CRYBG1: variants seen among roughly 807,000 people sequenced by gnomAD.
CRYBG1 encodes the protein crystallin beta-gamma domain containing 1.
In CRYBG1, 139 loss-of-function variants were observed where a neutral mutation model predicts 189.2. The ratio of observed to expected loss-of-function variants is 0.73; its 90% CI spans 0.64 to 0.85. The LOEUF (loss-of-function observed/expected upper bound fraction) is 0.85, where lower values mean the gene tolerates loss of function less well. Among genes scored for constraint, CRYBG1 ranks in the 40% least tolerant of loss-of-function variants. CRYBG1 has a pLI of 0.00. For synonymous variants in CRYBG1, 1,023 were observed against 1,017.1 expected (o/e 1.01, Z -0.11); for missense variants, 2,611 against 2,675.8 (o/e 0.98, Z 0.53).
intron 1 of CRYBG1, among the ~76,000 whole-genome samples, chr6:106,394,820 A>G (rs189814934): frequency 8.0e-4 from 121 of 151,846 alleles, no homozygotes; most frequent in Middle Eastern, 3.4e-3. Context: ...AGTGCCTTAG[A>G]GAGGTTTTAA....
intron 17 of CRYBG1, 89 bp downstream of exon 17, chr6:106,555,986 T>C: frequency 2.1e-6 from 3 of 1,453,512 alleles, no homozygotes; most frequent in Non-Finnish European, 2.9e-6. Context: ...TAGAACCTGC[T>C]CTTAAAGTTA....
At position 106,568,707 on chromosome 6, in the gene CRYBG1, C is replaced by T. The variant is rs539701193; in HGVS notation, c.*141C>T. ...TAAATTCAACCTTAAATCATGCTGC[C>T]ATGACTCAGAGAACTTACTCATCGT... On this transcript the variant is annotated 3_prime_UTR_variant, in exon 22 of 22. Transcript: ENST00000633556. The T allele has an allele frequency of 1.7e-6, 1 of 593,650 alleles. No individual in the cohort carries two copies. The highest frequency in any genetic ancestry group is 3.0e-5 in the Admixed American group (1 of 33,824). The allele number at this position is 593,650 out of a possible 1,614,324, so 36.8% of individuals were successfully genotyped here.
At chr6:106,376,757 A>G (rs548119738) in intron 1 of CRYBG1, among the ~76,000 whole-genome samples, 1 of 152,178 alleles carries the variant, frequency 6.6e-6, no homozygotes, top group Admixed American at 6.5e-5. Context: ...CTTCTCAATT[A>G]TCTCTTTGTG....
rs11295015 is a variant in CRYBG1, at chr6:106,498,100, TAA to T, written c.313-13313_313-13312del. ...TGGGCTACAGAGCGAGACTCCGTCT[TAA>T]AAAAAAAAAAAAAAAAGTCAGCTGA... On this transcript the variant is annotated intron_variant, in intron 2 of 21. Transcript: ENST00000633556. Among the ~76,000 whole-genome samples the T allele has an allele frequency of 8.4e-3, 1,040 of 123,298 alleles. 17 individuals carry two copies. The highest frequency in any genetic ancestry group is 0.026 in the African/African-American group (843 of 32,856). The allele number at this position is 123,298 out of a possible 152,430, so 80.9% of individuals were successfully genotyped here. A position where few individuals can be genotyped will look rare whatever the true frequency, so the allele number is the denominator to read the frequency against.
At chr6:106,445,635 G>C (rs906297919) in intron 1 of CRYBG1, among the ~76,000 whole-genome samples, 2 of 152,168 alleles carry the variant, frequency 1.3e-5, no homozygotes, top group Non-Finnish European at 2.9e-5. Context: ...CATTTTACAA[G>C]TTTTACCTAA....
At chr6:106,454,157 C>G (rs907754070) in intron 2 of CRYBG1, among the ~76,000 whole-genome samples, 1 of 152,288 alleles carries the variant, frequency 6.6e-6, no homozygotes, top group African/African-American at 2.4e-5. Context: ...CCCTTCTCCC[C>G]TCTCTCTTTT....
intron 17 of CRYBG1, among the ~76,000 whole-genome samples, chr6:106,556,609 C>A (rs1418908296): frequency 6.6e-6 from 1 of 152,120 alleles, no homozygotes; most frequent in Non-Finnish European, 1.5e-5. Flanking sequence ...AAGTAATATT[C>A]AATAGAACAA....
Position 106,544,703 on chromosome 6 carries a change from T to C in CRYBG1, c.5166+6T>C. The C allele has an allele frequency of 6.2e-7, 1 of 1,612,864 alleles. No individual in the cohort carries two copies. Among genetic ancestry groups the C allele is most frequent in the East Asian group, 2.2e-5 (1 of 44,858 alleles). On this transcript the variant is annotated splice_donor_region_variant and intron_variant, in intron 12 of 21. Transcript: ENST00000633556. Reference sequence around the variant, plus strand: ...CTTTACGACCTATATTAGGTGTAAGTAAAGGACAAGCTAATGGCTAATACT... The same window carrying C: ...CTTTACGACCTATATTAGGTGTAAGCAAAGGACAAGCTAATGGCTAATACT...
At chr6:106,541,537 G>A (rs765663496) in intron 9 of CRYBG1, 49 bp from the exon 10 acceptor site, 1 of 1,561,194 alleles carries the variant, frequency 6.4e-7, no homozygotes, top group South Asian at 1.1e-5. Context: ...ATATAAAATG[G>A]TAATGTATCA....
At chr6:106,383,552 A>G (rs1233109623) in intron 1 of CRYBG1, among the ~76,000 whole-genome samples, 2 of 152,244 alleles carry the variant, frequency 1.3e-5, no homozygotes, top group Admixed American at 6.5e-5. Flanking sequence ...TGTAAATGAA[A>G]TTTACACAGA....
At chr6:106,435,436 A>C (rs114791254) in intron 1 of CRYBG1, among the ~76,000 whole-genome samples, 1,736 of 152,212 alleles carry the variant, frequency 0.011, 22 homozygotes, top group African/African-American at 0.04. Context: ...AAGTTCTAGA[A>C]TTACACACAT....
At chr6:106,464,034 T>C (rs537064455) in intron 2 of CRYBG1, among the ~76,000 whole-genome samples, 2 of 152,308 alleles carry the variant, frequency 1.3e-5, no homozygotes, top group African/African-American at 4.8e-5. Flanking sequence ...AATGGACAAC[T>C]GTAATTTAAA....
intron 7 of CRYBG1, among the ~76,000 whole-genome samples, chr6:106,529,688 C>T (rs568044707): frequency 3.3e-5 from 5 of 152,294 alleles, no homozygotes; most frequent in South Asian, 2.1e-4. Flanking sequence ...TTTGCTTTTA[C>T]GACTTAGATC....
Position 106,544,915 on chromosome 6 carries a change from T to C in CRYBG1, c.5294T>C (p.Ile1765Thr). 1 of 1,606,230 alleles carries C rather than the reference T, an allele frequency of 6.2e-7. No homozygotes were observed. The highest frequency in any genetic ancestry group is 1.1e-5 in the South Asian group (1 of 89,036). Residue 1765 changes from isoleucine to threonine, a missense_variant, in exon 13 of 22, where the codon ATT becomes ACT. Transcript: ENST00000633556. ...ETGYGVKTQS[I>T]NVLSGVWVAY... ...GGATATGGAGTGAAGACACAGTCTA[T>C]TAATGTACTGAGTGGAGTGTAAGTG...
chr6:106,511,517 A>C lies in CRYBG1; in HGVS notation c.400A>C (p.Ser134Arg). 6.5e-7 allele frequency: 1 copy of C among 1,535,712 alleles called. No homozygotes were observed. Among genetic ancestry groups the C allele is most frequent in the Non-Finnish European group, 8.7e-7 (1 of 1,146,548 alleles). ...ATTCACTGCAGGAAGGAGAAGAAAC[A>C]GTAGAAACGGGTTAGAGAGTCCCAC... is the stretch of plus-strand genomic sequence containing the variant. ...TLFTAGRRRN[S>R]RNGLESPTRS... Residue 134 changes from serine to arginine, a missense_variant, in exon 3 of 22, where the codon AGT becomes CGT. Coordinates refer to ENST00000633556, the MANE Select transcript of CRYBG1 (RefSeq NM_001371242.2).
intron 1 of CRYBG1, among the ~76,000 whole-genome samples, chr6:106,377,621 T>TATA (rs1419204336): frequency 5.8e-5 from 4 of 69,454 alleles, no homozygotes; most frequent in African/African-American, 1.1e-4. Context: ...TCCTAAGGTT[T>TATA]TATATATATA....
chr6:106,405,955 C>A (rs1770812043), intron 1 of CRYBG1, among the ~76,000 whole-genome samples: 1 of 152,040 alleles, frequency 6.6e-6, no homozygotes, highest in Non-Finnish European at 1.5e-5. Context: ...TTCCAAAAAC[C>A]AGGACAGCTC....
In CRYBG1 at chr6:106,548,917, C is replaced by T. The variant is rs374682391; in HGVS notation, c.5313-2935C>T. 1.7e-3 allele frequency among the ~76,000 whole-genome samples: 222 copies of T among 134,508 alleles called. 1 individual carries two copies. The highest frequency in any genetic ancestry group is 4.6e-3 in the African/African-American group (168 of 36,224). 88.2% of individuals were successfully genotyped at this position (134,508 alleles called of 152,430 possible). A position where few individuals can be genotyped will look rare whatever the true frequency, so the allele number is the denominator to read the frequency against. On this transcript the variant is annotated intron_variant, in intron 13 of 21. Coordinates refer to ENST00000633556, the MANE Select transcript of CRYBG1 (RefSeq NM_001371242.2). The stretch of plus-strand genomic sequence containing the variant: ...CCTCCCCCCACCCCACAACAGTCCC[C>T]GGTGTGTGATGTTCCCCTTCCTGTG...
At chr6:106,495,483 A>G (rs1772826109) in intron 2 of CRYBG1, among the ~76,000 whole-genome samples, 1 of 151,844 alleles carries the variant, frequency 6.6e-6, no homozygotes, top group Non-Finnish European at 1.5e-5. Flanking sequence ...AGTATTATTA[A>G]TAACATCAAG....
Sources: allele counts gnomAD v4.1 joint callset (sites outside exome capture counted in the v4.1 genomes callset), GRCh38; gene constraint gnomAD v4.1.1; transcripts MANE v1.5; gene names NCBI Gene and HGNC (gene_info 2026-07-23, HGNC 2026-07-21).